Variants in SLIT3 observed in about 807,000 individuals in gnomAD.
SLIT3 encodes the protein slit guidance ligand 3, also known as slit homolog 3 protein.
A neutral mutation model predicts 184.0 loss-of-function variants in SLIT3; 68 were observed. That is an observed-to-expected ratio of 0.37 (90% CI 0.30 to 0.45). The LOEUF is 0.45. Ranked by LOEUF, SLIT3 falls within the 20% of genes least tolerant of loss-of-function variation. The pLI is 1.00. For synonymous variants in SLIT3, 831 were observed against 828.6 expected, an observed-to-expected ratio of 1.00 and a Z score of -0.05; for missense variants, 1,707 against 2,026.0, an observed-to-expected ratio of 0.84 and a Z score of 3.02.
At chr5:168,855,253 C>T (rs1006148369) in intron 5 of SLIT3, among the ~76,000 whole-genome samples, 10 of 152,196 alleles carry the variant, frequency 6.6e-5, no homozygotes, top group African/African-American at 1.9e-4. Context: ...AACTGGAACA[C>T]TCCTACATAG....
At position 169,124,941 on chromosome 5, in the gene SLIT3, C is replaced by T. The variant is rs140096619; in HGVS notation, c.413+68538G>A. 1.1e-4 allele frequency among the ~76,000 whole-genome samples: 17 copies of T among 152,310 alleles called. No individual in the cohort carries two copies. The East Asian group carries it at 3.3e-3, about 29-fold the overall frequency. ...TGTAGCATTCTCTTGACCTATTACA[C>T]ATTTGGCCAATCCTATGGTTGGAAC... On this transcript the variant is annotated intron_variant, in intron 4 of 35. Coordinates refer to ENST00000519560, the MANE Select transcript of SLIT3 (RefSeq NM_003062.4).
intron 4 of SLIT3, among the ~76,000 whole-genome samples, chr5:169,080,107 G>C (rs1051008697): frequency 7.2e-5 from 11 of 152,092 alleles, no homozygotes. Flanking sequence ...CTAAGGAGCA[G>C]GTAGGAGTCT....
intron 4 of SLIT3, among the ~76,000 whole-genome samples, chr5:169,138,729 G>A (rs765506799): frequency 2.2e-4 from 33 of 152,296 alleles, no homozygotes; most frequent in East Asian, 3.9e-4. Flanking sequence ...GGTTCCACTC[G>A]TGCTATCTCA....
At chr5:168,818,491 C>T (rs573472934) in intron 7 of SLIT3, among the ~76,000 whole-genome samples, 24 of 152,356 alleles carry the variant, frequency 1.6e-4, no homozygotes, top group African/African-American at 4.8e-4. Context: ...CCCATTTCCA[C>T]GTTCCCTACA....
intron 1 of SLIT3, among the ~76,000 whole-genome samples, chr5:169,271,213 A>G (rs1362086249): frequency 6.6e-6 from 1 of 152,126 alleles, no homozygotes; most frequent in African/African-American, 2.4e-5. Flanking sequence ...GGTCCTGTGT[A>G]TTTTTATTGC....
At chr5:168,940,953 G>A (rs758479337) in intron 4 of SLIT3, among the ~76,000 whole-genome samples, 2 of 152,130 alleles carry the variant, frequency 1.3e-5, no homozygotes, top group Non-Finnish European at 2.9e-5. Context: ...TGTCATTCCT[G>A]AGTTATAGAA....
At chr5:168,698,120 T>G (rs1420602062) in intron 27 of SLIT3, among the ~76,000 whole-genome samples, 1 of 152,172 alleles carries the variant, frequency 6.6e-6, no homozygotes, top group Non-Finnish European at 1.5e-5. Context: ...TGCCAACCTT[T>G]GCTGTTTTTG....
chr5:168,994,111 T>G (rs1377708719), intron 4 of SLIT3: 1 of 152,254 alleles, frequency 6.6e-6, no homozygotes, highest in African/African-American at 2.4e-5. Flanking sequence ...TTTACCAGGC[T>G]GTCTGCAGAC....
intron 4 of SLIT3, among the ~76,000 whole-genome samples, chr5:168,978,819 G>A (rs764656069): frequency 2.6e-5 from 4 of 151,044 alleles, no homozygotes; most frequent in Non-Finnish European, 5.9e-5. Flanking sequence ...ACTGTCTTCC[G>A]AAATTGCTGG....
chr5:168,713,608 G>A (rs946272431), intron 23 of SLIT3, among the ~76,000 whole-genome samples: 3 of 152,228 alleles, frequency 2.0e-5, no homozygotes, highest in Non-Finnish European at 4.4e-5. Context: ...ACAAAGAGAC[G>A]ATTAGTGTTG....
intron 14 of SLIT3, among the ~76,000 whole-genome samples, chr5:168,771,944 G>C (rs1197026617): frequency 6.6e-6 from 1 of 152,174 alleles, no homozygotes. Context: ...GGCACTTCAT[G>C]CTATCAGTCT....
At chr5:169,047,758 C>T (rs894819547) in intron 4 of SLIT3, among the ~76,000 whole-genome samples, 1 of 152,024 alleles carries the variant, frequency 6.6e-6, no homozygotes, top group South Asian at 2.1e-4. Flanking sequence ...ATACTTGTTC[C>T]CCTCACTTCC....
intron 4 of SLIT3, among the ~76,000 whole-genome samples, chr5:168,963,758 G>A (rs188646264): frequency 6.6e-6 from 1 of 152,194 alleles, no homozygotes. Context: ...GGAACTTGTC[G>A]AATCAATGAC....
intron 9 of SLIT3, among the ~76,000 whole-genome samples, chr5:168,805,370 C>T (rs888650300): frequency 8.6e-5 from 13 of 151,846 alleles, no homozygotes; most frequent in Non-Finnish European, 1.8e-4. Flanking sequence ...GGGGAGATTA[C>T]GACAAAGCAG....
chr5:168,861,525 G>A (rs1419757271), intron 5 of SLIT3, among the ~76,000 whole-genome samples: 1 of 151,966 alleles, frequency 6.6e-6, no homozygotes, highest in Non-Finnish European at 1.5e-5. Flanking sequence ...ACCTGCCTTG[G>A]TAGTAAAATG....
intron 4 of SLIT3, among the ~76,000 whole-genome samples, chr5:168,884,549 G>GATATATATAGATATATATATATAT (rs1760106599): frequency 2.4e-5 from 1 of 41,138 alleles, no homozygotes; most frequent in Non-Finnish European, 4.1e-5. Context: ...CCAATTACGA[G>GATATATATAGATATATATATATAT]ATATATATAT....
chr5:169,283,596 A>T (rs1366609191), intron 1 of SLIT3, among the ~76,000 whole-genome samples: 2 of 152,300 alleles, frequency 1.3e-5, no homozygotes, highest in East Asian at 3.9e-4. Context: ...GAAAGAGTGA[A>T]TGGGTCTTAG....
At chr5:169,299,624 A>G (rs1324179018) in intron 1 of SLIT3, among the ~76,000 whole-genome samples, 1 of 151,794 alleles carries the variant, frequency 6.6e-6, no homozygotes, top group Non-Finnish European at 1.5e-5. Context: ...CCCACCCCGG[A>G]GTCCAAGTTT....
At chr5:169,075,134 C>T (rs1411522721) in intron 4 of SLIT3, among the ~76,000 whole-genome samples, 2 of 151,690 alleles carry the variant, frequency 1.3e-5, no homozygotes, top group East Asian at 2.0e-4. Context: ...GGTCATGATT[C>T]GTAACCTGGG....
Sources: allele counts gnomAD v4.1 joint callset (sites outside exome capture counted in the v4.1 genomes callset), GRCh38; gene constraint gnomAD v4.1.1; transcripts MANE v1.5; gene names NCBI Gene and HGNC (gene_info 2026-07-23, HGNC 2026-07-21).